TENM1: variants seen among roughly 807,000 people sequenced by gnomAD.
TENM1 encodes the protein teneurin-1.
TENM1 carries 35 observed loss-of-function variants against 174.8 expected under a neutral mutation model. The ratio of observed to expected loss-of-function variants is 0.20; its 90% CI spans 0.15 to 0.27. TENM1 has a LOEUF of 0.27. TENM1 is among the 10% of genes least tolerant of loss of function. The probability of loss-of-function intolerance (pLI) is 1.00; values close to 1 mark genes in which losing one functional copy is unlikely to be tolerated. For missense variants in TENM1, 1,633 were observed against 2,130.1 expected, an observed-to-expected ratio of 0.77 and a Z score of 4.59; for synonymous variants, 781 against 798.7, an observed-to-expected ratio of 0.98 and a Z score of 0.37.
the TENM1 span, among the ~76,000 whole-genome samples, chrX:125,062,503 C>A: frequency 5.4e-5 from 6 of 111,654 alleles, no homozygotes; most frequent in African/African-American, 2.0e-4. Context: ...ATATGAAGGG[C>A]AACATTAAAA....
At chrX:124,499,296 G>A (rs1391125962) in intron 19 of TENM1, among the ~76,000 whole-genome samples, 2 of 111,547 alleles carry the variant, frequency 1.8e-5, no homozygotes, top group Non-Finnish European at 3.8e-5. Flanking sequence ...TAGGAACATT[G>A]CTGGCAAAAA....
chrX:125,194,025 C>T, the TENM1 span, among the ~76,000 whole-genome samples: 1 of 111,152 alleles, frequency 9.0e-6, no homozygotes, highest in Admixed American at 9.5e-5. Context: ...CTCAAGTAAT[C>T]CTCCTTCCTT....
At chrX:124,579,193 T>A (rs138285927) in intron 11 of TENM1, among the ~76,000 whole-genome samples, 2 of 111,631 alleles carry the variant, frequency 1.8e-5, no homozygotes, top group South Asian at 7.4e-4. Context: ...ACACACTACA[T>A]ATAAAAATAT....
chrX:124,846,897 G>A (rs767998992), intron 3 of TENM1, among the ~76,000 whole-genome samples: 1 of 111,427 alleles, frequency 9.0e-6, no homozygotes, highest in Non-Finnish European at 1.9e-5. Context: ...GTATTTTTAA[G>A]AGGAATTAAA....
the TENM1 span, among the ~76,000 whole-genome samples, chrX:124,970,273 C>G: frequency 9.0e-5 from 10 of 111,650 alleles, no homozygotes; most frequent in Non-Finnish European, 1.9e-5. Context: ...TAGTTTGGAA[C>G]TTCCTCCAAA....
At chrX:124,470,540 T>C (rs759204153) in intron 22 of TENM1, among the ~76,000 whole-genome samples, 65 of 111,705 alleles carry the variant, frequency 5.8e-4, no homozygotes, top group Middle Eastern at 4.6e-3. Flanking sequence ...TATCAAACCA[T>C]AGACATTTTA....
At chrX:124,707,210 C>T (rs748894788) in intron 4 of TENM1, among the ~76,000 whole-genome samples, 22 of 111,345 alleles carry the variant, frequency 2.0e-4, no homozygotes, top group Non-Finnish European at 3.8e-4. Flanking sequence ...ACCATGTTGC[C>T]CAGGCTGGTC....
chrX:124,545,139 G>T (rs1327494384), intron 15 of TENM1, among the ~76,000 whole-genome samples: 2 of 111,852 alleles, frequency 1.8e-5, no homozygotes, highest in East Asian at 2.8e-4. Context: ...GGATATATTT[G>T]TAAGAGCTGA....
At chrX:124,532,439 GT>G (rs1333673756) in intron 15 of TENM1, among the ~76,000 whole-genome samples, 1 of 111,485 alleles carries the variant, frequency 9.0e-6, no homozygotes, top group African/African-American at 3.3e-5. Context: ...TCATTATTCT[GT>G]GCATTTCCCT....
the TENM1 span, among the ~76,000 whole-genome samples, chrX:125,125,705 G>A: frequency 9.0e-6 from 1 of 111,565 alleles, no homozygotes; most frequent in Middle Eastern, 4.2e-3. Context: ...CCTTCATGAC[G>A]ACCTTGATGT....
At chrX:124,693,981 T>C (rs971552056) in intron 5 of TENM1, among the ~76,000 whole-genome samples, 8 of 111,261 alleles carry the variant, frequency 7.2e-5, no homozygotes, top group African/African-American at 2.6e-4. Flanking sequence ...AATAATGGCT[T>C]TTGGATAGGG....
At chrX:124,956,685 T>C (rs113916040) in intron 1 of TENM1, among the ~76,000 whole-genome samples, 2,433 of 112,545 alleles carry the variant, frequency 0.022, 71 homozygotes, top group African/African-American at 0.073. Context: ...AGAGCAGTCA[T>C]TATGGATTTT....
At chrX:124,783,681 G>T (rs755984709) in intron 3 of TENM1, among the ~76,000 whole-genome samples, 1 of 111,770 alleles carries the variant, frequency 8.9e-6, no homozygotes, top group East Asian at 2.8e-4. Context: ...ACACTTGGAA[G>T]AAGGGAAGGC....
At chrX:125,131,940 G>T in the TENM1 span, among the ~76,000 whole-genome samples, 1 of 112,278 alleles carries the variant, frequency 8.9e-6, no homozygotes, top group South Asian at 3.7e-4. Context: ...ACATTTGCAT[G>T]ATTTGAGCAA....
At chrX:125,139,815 C>T in the TENM1 span, among the ~76,000 whole-genome samples, 15 of 100,472 alleles carry the variant, frequency 1.5e-4, no homozygotes, top group Non-Finnish European at 3.0e-4. Context: ...CTGCAATTAG[C>T]TGCCCTCAAC....
At chrX:124,394,862 C>T (rs2060316780) in intron 27 of TENM1, among the ~76,000 whole-genome samples, 1 of 111,950 alleles carries the variant, frequency 8.9e-6, no homozygotes. Flanking sequence ...TTAATGGTTG[C>T]ATGTCTTACT....
upstream of TENM1, among the ~76,000 whole-genome samples, chrX:124,967,528 C>G (rs566810553): frequency 1.8e-5 from 2 of 111,383 alleles, no homozygotes; most frequent in South Asian, 7.7e-4. Context: ...GCTATGTGCA[C>G]CTATTTCAAC....
At chrX:124,774,432 T>G (rs2054734467) in intron 3 of TENM1, among the ~76,000 whole-genome samples, 1 of 111,319 alleles carries the variant, frequency 9.0e-6, no homozygotes, top group Non-Finnish European at 1.9e-5. Context: ...ATGGATCTAA[T>G]AAACATTCTA....
the TENM1 span, among the ~76,000 whole-genome samples, chrX:125,031,895 A>T: frequency 2.2e-4 from 25 of 112,265 alleles, no homozygotes; most frequent in African/African-American, 7.4e-4. Flanking sequence ...GCAGATTTTT[A>T]AAAATTATAA....
Sources: gnomAD v4.1 joint callset for allele counts (sites outside exome capture counted in the v4.1 genomes callset) on GRCh38, gnomAD v4.1.1 for gene constraint, MANE v1.5 for transcripts, NCBI Gene and HGNC (gene_info 2026-07-23, HGNC 2026-07-21) for gene names.